RNF150: variants seen among roughly 807,000 people sequenced by gnomAD.
The protein encoded by RNF150 is ring finger protein 150.
RNF150 carries 24 observed loss-of-function variants against 39.3 expected under a neutral mutation model. That is an observed-to-expected ratio of 0.61 (90% CI 0.44 to 0.86). RNF150 has a LOEUF of 0.86. RNF150 is among the 40% of genes least tolerant of loss of function. The pLI is 0.00. For missense variants in RNF150, 502 were observed against 587.8 expected, an observed-to-expected ratio of 0.85 and a Z score of 1.51; for synonymous variants, 255 against 227.3, an observed-to-expected ratio of 1.12 and a Z score of -1.10.
chr4:140,897,878 G>C (rs1279512827), intron 6 of RNF150, among the ~76,000 whole-genome samples: 1 of 152,124 alleles, frequency 6.6e-6, no homozygotes, highest in Non-Finnish European at 1.5e-5. Context: ...CAGAGAGGTT[G>C]AGCTATTTGT....
intron 1 of RNF150, among the ~76,000 whole-genome samples, chr4:141,078,809 ATATAT>A (rs1400844621): frequency 0.17 from 9,809 of 56,190 alleles, 1,210 homozygotes; most frequent in East Asian, 0.3. Flanking sequence ...AAAAAAAAAA[ATATAT>A]ATATATATAT....
chr4:140,928,115 A>G (rs1398534932), intron 4 of RNF150, among the ~76,000 whole-genome samples: 1 of 150,052 alleles, frequency 6.7e-6, no homozygotes, highest in East Asian at 1.9e-4. Context: ...AACTGTGCTC[A>G]ACAGACAGAA....
chr4:141,024,513 G>C (rs568319424), intron 1 of RNF150, among the ~76,000 whole-genome samples: 3 of 152,040 alleles, frequency 2.0e-5, no homozygotes. Flanking sequence ...TCAAATTATC[G>C]CTGGTTAAAC....
intron 4 of RNF150, among the ~76,000 whole-genome samples, chr4:140,935,008 A>T (rs11930607): frequency 8.1e-4 from 65 of 80,004 alleles, no homozygotes; most frequent in Admixed American, 1.8e-3. Context: ...TATATATATA[A>T]ATATATATAT....
intron 1 of RNF150, among the ~76,000 whole-genome samples, chr4:141,030,451 T>C (rs1386039767): frequency 6.6e-6 from 1 of 152,206 alleles, no homozygotes; most frequent in Non-Finnish European, 1.5e-5. Flanking sequence ...ATGATTCTTC[T>C]GGGTATACAC....
intron 1 of RNF150, among the ~76,000 whole-genome samples, chr4:140,991,233 A>G (rs550031384): frequency 8.5e-5 from 13 of 152,180 alleles, no homozygotes; most frequent in Admixed American, 7.9e-4. Context: ...TTCCTTGTAG[A>G]TTCTGGATAT....
chr4:140,901,528 C>T (rs1730187592), intron 6 of RNF150, among the ~76,000 whole-genome samples: 1 of 152,174 alleles, frequency 6.6e-6, no homozygotes, highest in Admixed American at 6.5e-5. Flanking sequence ...TACAAATATA[C>T]ATTGCAATAC....
chr4:141,027,952 T>TTTTG lies in RNF150; in HGVS notation c.485-60080_485-60079insCAAA, dbSNP rs1553938684. Among the ~76,000 whole-genome samples the TTTTG allele has an allele frequency of 4.4e-3, 317 of 71,566 alleles. 55 individuals carry two copies. Among genetic ancestry groups the TTTTG allele is most frequent in the Non-Finnish European group, 5.0e-3 (172 of 34,314 alleles). The allele number at this position is 71,566 out of a possible 152,430, so 47.0% of individuals were successfully genotyped here. On this transcript the variant is annotated intron_variant, in intron 1 of 6. Transcript: ENST00000515673. ...TTTTTTTTTTTTTTTTTTTTTTTTTTCAATCCTGCTGGATCAAGATGTATA... is the reference window on the plus strand; with the variant it reads ...TTTTTTTTTTTTTTTTTTTTTTTTTTTTTGCAATCCTGCTGGATCAAGATGTATA...
intron 1 of RNF150, among the ~76,000 whole-genome samples, chr4:141,002,819 C>G (rs953316636): frequency 1.3e-5 from 2 of 152,076 alleles, no homozygotes; most frequent in African/African-American, 4.8e-5. Flanking sequence ...CATTCCCTCA[C>G]TGAGCCATTG....
chr4:140,942,092 A>G (rs1202439292), intron 4 of RNF150, among the ~76,000 whole-genome samples: 1 of 152,218 alleles, frequency 6.6e-6, no homozygotes, highest in African/African-American at 2.4e-5. Flanking sequence ...AGCAAGGCAA[A>G]TGTACTTAAT....
At chr4:140,964,243 G>A (rs1213658068) in intron 2 of RNF150, among the ~76,000 whole-genome samples, 1 of 152,080 alleles carries the variant, frequency 6.6e-6, no homozygotes, top group African/African-American at 2.4e-5. Flanking sequence ...TGGTTCAATT[G>A]CTGGCTCTAT....
At chr4:141,032,839 T>C (rs4093465) in intron 1 of RNF150, among the ~76,000 whole-genome samples, 1 of 152,186 alleles carries the variant, frequency 6.6e-6, no homozygotes, top group South Asian at 2.1e-4. Context: ...AAGTGTACAA[T>C]AACATAATGT....
intron 5 of RNF150, among the ~76,000 whole-genome samples, chr4:140,922,859 A>G (rs1174973446): frequency 6.6e-6 from 1 of 151,006 alleles, no homozygotes. Flanking sequence ...GACAAAAACC[A>G]GAAATGGGGA....
At chr4:141,185,638 C>T (rs1283023079) in intron 1 of RNF150, among the ~76,000 whole-genome samples, 1 of 152,146 alleles carries the variant, frequency 6.6e-6, no homozygotes, top group Non-Finnish European at 1.5e-5. Flanking sequence ...CCAGCTTTTG[C>T]TCATTCAGTA....
At chr4:141,015,671 A>G (rs903346343) in intron 1 of RNF150, among the ~76,000 whole-genome samples, 13 of 152,190 alleles carry the variant, frequency 8.5e-5, no homozygotes, top group African/African-American at 2.4e-4. Context: ...AGGGTTTTCT[A>G]TATATAAGAT....
At chr4:140,999,952 A>T (rs1383442080) in intron 1 of RNF150, among the ~76,000 whole-genome samples, 1 of 38,352 alleles carries the variant, frequency 2.6e-5, no homozygotes, top group Non-Finnish European at 7.2e-5. Context: ...AAAGAAGAAG[A>T]AGAAGAAGAA....
At position 140,983,721 on chromosome 4, in the gene RNF150, T is replaced by G. The variant is rs150320206; in HGVS notation, c.485-15848A>C. Among the ~76,000 whole-genome samples, 36 of 151,594 alleles carry G rather than the reference T, an allele frequency of 2.4e-4. No individual in the cohort carries two copies. In the East Asian group the frequency reaches 6.8e-3, roughly 29 times the overall value. ...TTCCTTTGGAGATGGTGAATAACTT[T>G]GTATGTTGTATAACTGCCTTTTTTT... On this transcript the variant is annotated intron_variant, in intron 1 of 6. Coordinates refer to ENST00000515673, the MANE Select transcript of RNF150 (RefSeq NM_020724.2).
chr4:141,044,798 C>CACACACACA (rs55764233), intron 1 of RNF150, among the ~76,000 whole-genome samples: 261 of 143,158 alleles, frequency 1.8e-3, no homozygotes, highest in East Asian at 7.7e-3. Flanking sequence ...CACACACACA[C>CACACACACA]AATTCATGTG....
chr4:141,038,642 G>C (rs193117855), intron 1 of RNF150, among the ~76,000 whole-genome samples: 1 of 152,104 alleles, frequency 6.6e-6, no homozygotes, highest in Non-Finnish European at 1.5e-5. Flanking sequence ...AGTGAGCCAT[G>C]ATTGTGCCAC....
Sources: allele counts gnomAD v4.1 joint callset (sites outside exome capture counted in the v4.1 genomes callset), GRCh38; gene constraint gnomAD v4.1.1; transcripts MANE v1.5; gene names NCBI Gene and HGNC (gene_info 2026-07-23, HGNC 2026-07-21).